KAZN: variants seen among roughly 807,000 people sequenced by gnomAD.
KAZN encodes the protein kazrin.
In KAZN, 40 loss-of-function variants were observed where a neutral mutation model predicts 87.4. The observed-to-expected ratio is 0.46, with a 90% CI of 0.36 to 0.60. KAZN has a LOEUF of 0.60. KAZN is among the 20% of genes least tolerant of loss of function. KAZN has a pLI of 0.00. For synonymous variants in KAZN, 466 were observed against 458.3 expected (o/e 1.02, Z -0.22); for missense variants, 898 against 1,073.9 (o/e 0.84, Z 2.29).
intron 1 of KAZN, among the ~76,000 whole-genome samples, chr1:14,750,868 C>T (rs773576485): frequency 1.3e-5 from 2 of 152,156 alleles, no homozygotes; most frequent in South Asian, 2.1e-4. Flanking sequence ...ACCAGAAATA[C>T]GCAACAGATT....
At chr1:14,580,549 C>T (rs553742496) in intron 2 of KAZN, among the ~76,000 whole-genome samples, 3 of 152,040 alleles carry the variant, frequency 2.0e-5, no homozygotes, top group African/African-American at 4.8e-5. Flanking sequence ...TGTGTAATGA[C>T]GAATGTGTGG....
intron 1 of KAZN, among the ~76,000 whole-genome samples, chr1:13,996,212 C>T (rs539781268): frequency 7.2e-5 from 11 of 152,266 alleles, no homozygotes; most frequent in South Asian, 2.1e-4. Flanking sequence ...ACTCACAGAT[C>T]GGAAGATCCC....
intron 1 of KAZN, among the ~76,000 whole-genome samples, chr1:14,885,578 G>A (rs1396818494): frequency 6.6e-6 from 1 of 151,978 alleles, no homozygotes; most frequent in Non-Finnish European, 1.5e-5. Context: ...GAACTCCTAG[G>A]TTCAAGCGAT....
At chr1:14,152,799 T>TC (rs1195669861) in intron 1 of KAZN, among the ~76,000 whole-genome samples, 1 of 152,012 alleles carries the variant, frequency 6.6e-6, no homozygotes, top group Non-Finnish European at 1.5e-5. Flanking sequence ...TAATTTATAT[T>TC]CCCATCAATA....
At chr1:14,417,769 G>A (rs1476585420) in intron 2 of KAZN, among the ~76,000 whole-genome samples, 1 of 151,870 alleles carries the variant, frequency 6.6e-6, no homozygotes, top group African/African-American at 2.4e-5. Context: ...GGCCAAAGCA[G>A]GCAGATTCCG....
intron 2 of KAZN, among the ~76,000 whole-genome samples, chr1:14,267,222 T>C (rs1158727873): frequency 6.6e-6 from 1 of 152,006 alleles, no homozygotes; most frequent in African/African-American, 2.4e-5. Flanking sequence ...TACATAGAAT[T>C]TACATTGTAT....
intron 2 of KAZN, among the ~76,000 whole-genome samples, chr1:14,301,843 C>T (rs1277850140): frequency 6.6e-6 from 1 of 152,208 alleles, no homozygotes; most frequent in Non-Finnish European, 1.5e-5. Flanking sequence ...AAGTCACCTC[C>T]TCCGAGAGGC....
chr1:14,393,842 C>CAAA lies in KAZN; in HGVS notation c.250-205123_250-205121dup, dbSNP rs35205129. ...TGAGTGACAGAGCCAGACCCAATCT[C>CAAA]AAAAAAAAAAAAAAAAAAAAGTCAT... On this transcript the variant is annotated intron_variant, in intron 2 of 16. Coordinates refer to the KAZN transcript ENST00000636203. Among the ~76,000 whole-genome samples the CAAA allele has an allele frequency of 8.1e-3, 702 of 86,978 alleles. 13 individuals are homozygous for CAAA. Among genetic ancestry groups the CAAA allele is most frequent in the Non-Finnish European group, 0.012 (575 of 47,542 alleles). 57.1% of individuals were successfully genotyped at this position (86,978 alleles called of 152,430 possible). A position where few individuals can be genotyped will look rare whatever the true frequency, so the allele number is the denominator to read the frequency against.
intron 2 of KAZN, among the ~76,000 whole-genome samples, chr1:14,203,356 C>T (rs1000218695): frequency 6.6e-6 from 1 of 152,068 alleles, no homozygotes; most frequent in Non-Finnish European, 1.5e-5. Context: ...AGCCCTTTTC[C>T]TCTCCCACGA....
chr1:14,427,964 A>G (rs7523152), intron 2 of KAZN, among the ~76,000 whole-genome samples: 46 of 152,324 alleles, frequency 3.0e-4, no homozygotes, highest in African/African-American at 1.0e-3. Context: ...GATTGGCAAC[A>G]GCTCTACTCA....
chr1:14,176,646 C>T (rs1027902345), intron 1 of KAZN, among the ~76,000 whole-genome samples: 3 of 152,136 alleles, frequency 2.0e-5, no homozygotes, highest in Non-Finnish European at 2.9e-5. Context: ...TCCCATGCAA[C>T]GAGGCACAGC....
intron 1 of KAZN, among the ~76,000 whole-genome samples, chr1:14,064,527 G>GA (rs1271755264): frequency 3.2e-4 from 48 of 152,212 alleles, no homozygotes; most frequent in Non-Finnish European, 2.9e-5. Flanking sequence ...CCAAAACATA[G>GA]ACTTGGCTTG....
intron 1 of KAZN, among the ~76,000 whole-genome samples, chr1:14,060,318 G>A (rs563994402): frequency 2.1e-5 from 3 of 146,318 alleles, no homozygotes; most frequent in African/African-American, 7.6e-5. Context: ...AGCCGAGATC[G>A]CGCCACTGCA....
chr1:14,556,530 T>C (rs1284737030), intron 2 of KAZN, among the ~76,000 whole-genome samples: 1 of 152,120 alleles, frequency 6.6e-6, no homozygotes, highest in Non-Finnish European at 1.5e-5. Context: ...CCAAGTCAAC[T>C]GAGGGTGAAT....
chr1:14,878,245 C>CA (rs964261042), intron 1 of KAZN, among the ~76,000 whole-genome samples: 1 of 152,086 alleles, frequency 6.6e-6, no homozygotes, highest in African/African-American at 2.4e-5. Flanking sequence ...ATGCATAGGA[C>CA]CAGAACAGGG....
intron 2 of KAZN, among the ~76,000 whole-genome samples, chr1:14,346,875 C>T (rs922244513): frequency 3.9e-5 from 6 of 152,166 alleles, no homozygotes; most frequent in East Asian, 1.9e-4. Flanking sequence ...GACCATCCTA[C>T]GTGCTTAGGA....
Position 14,311,357 on chromosome 1 carries a change from A to G in KAZN, c.249+130765A>G, listed in dbSNP as rs533088356. Among the ~76,000 whole-genome samples, 12 of 150,562 alleles carry G rather than the reference A, an allele frequency of 8.0e-5. No individual in the cohort carries two copies. In the South Asian group the frequency reaches 2.1e-3, roughly 26 times the overall value. On this transcript the variant is annotated intron_variant, in intron 2 of 16. Coordinates refer to the KAZN transcript ENST00000636203. ...TTTGTGGAGTCATTGGGATCATTCA[A>G]TGAGAGGATGATATAAAGCTTTATC... is the stretch of plus-strand genomic sequence containing the variant.
chr1:14,544,352 T>TTTTTTTTTTTTTTTTTTTTTTTTTTTTC (rs1673003846), intron 2 of KAZN, among the ~76,000 whole-genome samples: 1 of 91,212 alleles, frequency 1.1e-5, no homozygotes, highest in African/African-American at 3.7e-5. Flanking sequence ...CTTTCTTTCT[T>TTTTTTTTTTTTTTTTTTTTTTTTTTTTC]TTTTTTTTTT....
intron 2 of KAZN, among the ~76,000 whole-genome samples, chr1:15,014,028 A>G (rs567354230): frequency 1.3e-5 from 2 of 152,258 alleles, no homozygotes; most frequent in Admixed American, 1.3e-4. Flanking sequence ...AGAGCCTCAC[A>G]GAACTGGAGC....
Sources: gnomAD v4.1 joint callset for allele counts (sites outside exome capture counted in the v4.1 genomes callset) on GRCh38, gnomAD v4.1.1 for gene constraint, MANE v1.5 for transcripts, NCBI Gene and HGNC (gene_info 2026-07-23, HGNC 2026-07-21) for gene names.